ROR1: variants seen among roughly 807,000 people sequenced by gnomAD.
ROR1 encodes the protein ROR family WNT receptor 1.
Under a neutral mutation model 78.8 loss-of-function variants are expected in ROR1, and 19 were observed. The observed-to-expected ratio is 0.24, with a 90% CI of 0.17 to 0.35. The LOEUF is 0.35. Among genes scored for constraint, ROR1 ranks in the 10% least tolerant of loss-of-function variants. The pLI is 1.00. For synonymous variants in ROR1, 386 were observed against 433.6 expected (o/e 0.89, Z 1.36); for missense variants, 917 against 1,177.8 (o/e 0.78, Z 3.24).
chr1:64,118,632 C>CAAA (rs3084938), intron 4 of ROR1, among the ~76,000 whole-genome samples: 52 of 65,826 alleles, frequency 7.9e-4, no homozygotes, highest in African/African-American at 2.2e-3. Context: ...GACTCCATCT[C>CAAA]AAAAAAAAAA....
At chr1:64,171,901 G>A (rs1050241575) in intron 8 of ROR1, among the ~76,000 whole-genome samples, 1 of 152,158 alleles carries the variant, frequency 6.6e-6, no homozygotes, top group Non-Finnish European at 1.5e-5. Context: ...AATCCTCACC[G>A]CATATCCTAT....
At position 64,177,573 on chromosome 1, in the gene ROR1, A is replaced by G. The variant is rs764377619; in HGVS notation, c.1532A>G (p.Tyr511Cys). ...GTTGCTATCAAGACCTTGAAAGACT[A>G]TAACAACCCCCAGCAATGGACGGAA... ...QLVAIKTLKDYNNPQQWTEFQ... is the reference protein window; with the variant it reads ...QLVAIKTLKDCNNPQQWTEFQ... The change falls in exon 9 of 9, where the codon TAT becomes TGT. Residue 511 changes from tyrosine to cysteine, a missense_variant. Transcript: ENST00000371079. 1.4e-5 allele frequency: 22 copies of G among 1,614,090 alleles called. No individual in the cohort carries two copies. Among genetic ancestry groups the G allele is most frequent in the African/African-American group, 2.7e-5 (2 of 74,932 alleles).
chr1:63,875,189 G>C (rs1645277221), intron 1 of ROR1, among the ~76,000 whole-genome samples: 1 of 152,118 alleles, frequency 6.6e-6, no homozygotes, highest in Non-Finnish European at 1.5e-5. Flanking sequence ...GGTAATCATA[G>C]TACTTATTTA....
intron 2 of ROR1, among the ~76,000 whole-genome samples, chr1:64,016,592 C>T (rs1646522135): frequency 1.3e-5 from 2 of 151,918 alleles, no homozygotes; most frequent in Non-Finnish European, 2.9e-5. Flanking sequence ...TTCCTCCTTG[C>T]AGCAAAAGGA....
chr1:64,151,706 C>G (rs1649627452), intron 7 of ROR1, among the ~76,000 whole-genome samples: 1 of 80,286 alleles, frequency 1.2e-5, no homozygotes, highest in African/African-American at 4.2e-5. Context: ...AACCCCATCT[C>G]TACTAAAAAT....
At chr1:64,177,359 C>G in intron 8 of ROR1, 69 bp from the exon 9 acceptor site, 1 of 1,179,090 alleles carries the variant, frequency 8.5e-7, no homozygotes, top group Non-Finnish European at 1.2e-6. Flanking sequence ...CCCCGTCCCT[C>G]CTTTCGGATG....
At chr1:63,840,751 A>T (rs1645044576) in intron 1 of ROR1, among the ~76,000 whole-genome samples, 1 of 152,184 alleles carries the variant, frequency 6.6e-6, no homozygotes, top group Non-Finnish European at 1.5e-5. Flanking sequence ...CAGACTCTGG[A>T]GCCAGACAGA....
chr1:63,866,694 G>C (rs629780), intron 1 of ROR1, among the ~76,000 whole-genome samples: 32,687 of 151,868 alleles, frequency 0.22, 7,477 homozygotes, highest in African/African-American at 0.58. Context: ...ATTAGATATA[G>C]TTATGGATCT....
chr1:64,174,703 G>A (rs978402037), intron 8 of ROR1, among the ~76,000 whole-genome samples: 2 of 152,116 alleles, frequency 1.3e-5, no homozygotes, highest in Non-Finnish European at 2.9e-5. Flanking sequence ...ACCTAAACTG[G>A]ATTTATTTAC....
At chr1:63,815,629 A>G (rs1011269857) in intron 1 of ROR1, among the ~76,000 whole-genome samples, 11 of 147,168 alleles carry the variant, frequency 7.5e-5, no homozygotes, top group Non-Finnish European at 1.4e-4. Context: ...TTTCAAAACA[A>G]CTCCTTTTAT....
intron 8 of ROR1, among the ~76,000 whole-genome samples, chr1:64,171,635 G>A (rs1650244772): frequency 1.3e-5 from 2 of 152,186 alleles, no homozygotes; most frequent in Non-Finnish European, 2.9e-5. Flanking sequence ...TTGAGTGAAA[G>A]GGACCACAGG....
At chr1:64,127,700 C>T (rs1281250807) in intron 4 of ROR1, among the ~76,000 whole-genome samples, 1 of 152,080 alleles carries the variant, frequency 6.6e-6, no homozygotes, top group Non-Finnish European at 1.5e-5. Context: ...TACCTCGAGG[C>T]CTAGAATACT....
intron 1 of ROR1, among the ~76,000 whole-genome samples, chr1:63,787,870 G>C (rs1314799279): frequency 1.3e-5 from 2 of 152,148 alleles, no homozygotes; most frequent in Non-Finnish European, 2.9e-5. Flanking sequence ...CCTCATTCTG[G>C]GAAATGCCCC....
chr1:64,166,973 A>G (rs1650106400), intron 8 of ROR1, among the ~76,000 whole-genome samples: 1 of 152,230 alleles, frequency 6.6e-6, no homozygotes, highest in Non-Finnish European at 1.5e-5. Flanking sequence ...CAATATCTCA[A>G]TAGAATCTTT....
intron 2 of ROR1, among the ~76,000 whole-genome samples, chr1:64,013,044 C>A (rs748454500): frequency 1.3e-5 from 2 of 152,142 alleles, no homozygotes; most frequent in Non-Finnish European, 2.9e-5. Flanking sequence ...GCAAGCCTCT[C>A]AACCTATCTG....
At chr1:64,040,220 A>G (rs1196776065) in intron 2 of ROR1, among the ~76,000 whole-genome samples, 1 of 152,336 alleles carries the variant, frequency 6.6e-6, no homozygotes, top group Non-Finnish European at 1.5e-5. Context: ...AGGCTGAGAA[A>G]GTTAGAAACA....
intron 1 of ROR1, among the ~76,000 whole-genome samples, chr1:63,947,505 C>G (rs551000345): frequency 6.6e-6 from 1 of 152,264 alleles, no homozygotes; most frequent in South Asian, 2.1e-4. Context: ...GCTCTTGGGT[C>G]TGCATTGAAG....
chr1:64,130,806 GC>G (rs1648887286), intron 4 of ROR1, among the ~76,000 whole-genome samples: 1 of 152,140 alleles, frequency 6.6e-6, no homozygotes. Context: ...TTATAATGTA[GC>G]CCCATTTTTA....
intron 1 of ROR1, among the ~76,000 whole-genome samples, chr1:63,994,354 A>T (rs1204379854): frequency 6.6e-6 from 1 of 152,176 alleles, no homozygotes; most frequent in Non-Finnish European, 1.5e-5. Flanking sequence ...GAATTTTTGC[A>T]ATCAGACCTC....
Sources: gnomAD v4.1 joint callset for allele counts (sites outside exome capture counted in the v4.1 genomes callset) on GRCh38, gnomAD v4.1.1 for gene constraint, MANE v1.5 for transcripts, NCBI Gene and HGNC (gene_info 2026-07-23, HGNC 2026-07-21) for gene names.